ZDHHC1: variants seen among roughly 807,000 people sequenced by gnomAD.
The protein encoded by ZDHHC1 is zDHHC palmitoyltransferase 1, also known as palmitoyltransferase ZDHHC1.
Under a neutral mutation model 46.9 loss-of-function variants are expected in ZDHHC1, and 45 were observed. The observed-to-expected ratio is 0.96, with a 90% confidence interval of 0.76 to 1.23. The LOEUF (loss-of-function observed/expected upper bound fraction) is 1.23, where lower values mean the gene tolerates loss of function less well. Among genes scored for constraint, ZDHHC1 ranks in the 50% most tolerant of loss-of-function variants. The pLI, the probability that ZDHHC1 is intolerant of heterozygous loss-of-function variation, is 0.00. For missense variants in ZDHHC1, 649 were observed against 670.8 expected (o/e 0.97, Z 0.36); for synonymous variants, 291 against 286.0 (o/e 1.02, Z -0.18).
intron 3 of ZDHHC1, among the ~76,000 whole-genome samples, chr16:67,402,502 C>T (rs575019418): frequency 6.6e-6 from 1 of 152,284 alleles, no homozygotes; most frequent in South Asian, 2.1e-4. Context: ...ACTCTTCTCC[C>T]GCCTCACCCC....
At position 67,406,367 on chromosome 16, in the gene ZDHHC1, C is replaced by T. The variant is rs372055076; in HGVS notation, c.85G>A (p.Gly29Arg). 74 of 1,583,496 alleles carry T rather than the reference C, an allele frequency of 4.7e-5. No individual in the cohort carries two copies. The African/African-American group carries it at 8.5e-4, about 18-fold the overall frequency. ...TGGCCCTGCAGCTCAGGGGAGGGTC[C>T]GCTGGGCTGTGCCGGTGCCGTCCAC... ...SVWTAPAQPSGPSPELQGQRS... is the reference protein window; with the variant it reads ...SVWTAPAQPSRPSPELQGQRS... The change falls in exon 3 of 12, where the codon GGA becomes AGA. Residue 29 changes from glycine (G) to arginine (R), a missense_variant. Physicochemically the swap from Gly to Arg is moderately radical, Grantham distance 125 (BLOSUM62 -2). Coordinates refer to ENST00000565726, the MANE Select transcript of ZDHHC1 (RefSeq NM_001323627.2). The surrounding 1 kb of genome is among the most constrained non-coding windows in gnomAD (Gnocchi z 4.1).
At chr16:67,398,986 A>G in intron 5 of ZDHHC1, 42 bp from the exon 6 acceptor site, 2 of 1,599,880 alleles carry the variant, frequency 1.3e-6, no homozygotes, top group Admixed American at 1.7e-5. Flanking sequence ...CCGGAGCTCC[A>G]GCCTCAGAAG....
Position 67,398,724 on chromosome 16 carries a change from C to T in ZDHHC1, c.663G>A (p.Lys221=), listed in dbSNP as rs1390065675. The change falls in exon 7 of 12, where the codon AAG becomes AAA. Residue 221 remains lysine (K), a synonymous_variant. Transcript: ENST00000565726. ...ACACGAACCACACATCCGTGTGATT[C>T]TTCAGGACTGCAAGGCACAGGCAGT... ...LRTNRHFEVL[K]NHTDVWFVFL... 6.2e-7 allele frequency: 1 copy of T among 1,609,886 alleles called. No individual in the cohort carries two copies. The highest frequency in any genetic ancestry group is 1.3e-5 in the African/African-American group (1 of 75,040).
In ZDHHC1 at chr16:67,394,678, CG is replaced by C; in HGVS notation, c.1380del (p.Ala461ProfsTer4). 8.0e-7 allele frequency: 1 copy of C among 1,252,540 alleles called. No homozygotes were observed. The highest frequency in any genetic ancestry group is 1.0e-6 in the Non-Finnish European group (1 of 1,001,824). The allele number at this position is 1,252,540 out of a possible 1,614,324, so 77.6% of individuals were successfully genotyped here. On this transcript the variant is annotated frameshift_variant, in exon 12 of 12. Coordinates refer to ENST00000565726, the MANE Select transcript of ZDHHC1 (RefSeq NM_001323627.2). LOFTEE classifies it low-confidence loss of function (END_TRUNC). ...QPTLARQARA[P>X]AVFVSPSSGE... ...CCGCTGCTCGGGCTCACGAAAACGG[CG>C]GGCGCACGCGCCTGCCGCGCCAGCG...
At chr16:67,412,468 C>CTG (rs10654996) in intron 1 of ZDHHC1, among the ~76,000 whole-genome samples, 26,955 of 152,032 alleles carry the variant, frequency 0.18, 5,692 homozygotes, top group African/African-American at 0.51. Flanking sequence ...CAAAGAATTC[C>CTG]TGCCTAACAA....
chr16:67,400,767 ATCT>A (rs893006503), intron 4 of ZDHHC1, among the ~76,000 whole-genome samples, 187 bp downstream of exon 4: 3 of 152,098 alleles, frequency 2.0e-5, no homozygotes, highest in Non-Finnish European at 2.9e-5. Flanking sequence ...AATACTACTG[ATCT>A]TCTGTTTCCA....
At chr16:67,402,572 C>T (rs2040572124) in intron 3 of ZDHHC1, among the ~76,000 whole-genome samples, 1 of 152,050 alleles carries the variant, frequency 6.6e-6, no homozygotes, top group African/African-American at 2.4e-5. Context: ...TTGAGGGATA[C>T]GGCAGGGGCA....
intron 1 of ZDHHC1, among the ~76,000 whole-genome samples, chr16:67,410,635 A>G (rs2040734854): frequency 6.8e-6 from 1 of 147,060 alleles, no homozygotes; most frequent in Non-Finnish European, 1.5e-5. Flanking sequence ...AGGTTAGGCT[A>G]CCTTAATTAA....
At position 67,395,206 on chromosome 16, in the gene ZDHHC1, G is replaced by T; in HGVS notation, c.1085C>A (p.Pro362His). The T allele has an allele frequency of 1.2e-6, 2 of 1,611,604 alleles. No homozygotes were observed. Among genetic ancestry groups the T allele is most frequent in the Non-Finnish European group, 1.7e-6 (2 of 1,179,430 alleles). Residue 362 changes from proline (P) to histidine (H), a missense_variant, in exon 10 of 12, where the codon CCT becomes CAT. Physicochemically the swap from Pro to His is moderately conservative, Grantham distance 77. Coordinates refer to ENST00000565726, the MANE Select transcript of ZDHHC1 (RefSeq NM_001323627.2). ...TCCTACCTGGGGTCGGATCCGGGGAGGCAGGGCGAGAGTGTCTGGGGAAGA... is the reference window on the plus strand; with the variant it reads ...TCCTACCTGGGGTCGGATCCGGGGATGCAGGGCGAGAGTGTCTGGGGAAGA... ...PPSSPDTLALPPRIRPQKKRK... is the reference protein window; with the variant it reads ...PPSSPDTLALHPRIRPQKKRK...
intron 1 of ZDHHC1, among the ~76,000 whole-genome samples, chr16:67,409,371 A>ATAACCCCGATACTCCAAATCAGGC (rs2040714662): frequency 6.6e-6 from 1 of 152,006 alleles, no homozygotes; most frequent in East Asian, 1.9e-4. Context: ...CCAAATCAGG[A>ATAACCCCGATACTCCAAATCAGGC]TACCCCCGAT....
At position 67,394,530 on chromosome 16, in the gene ZDHHC1, A is replaced by T; in HGVS notation, c.*80T>A. The T allele has an allele frequency of 9.0e-7, 1 of 1,112,198 alleles. No individual in the cohort carries two copies. The highest frequency in any genetic ancestry group is 1.1e-6 in the Non-Finnish European group (1 of 910,328). 68.9% of individuals were successfully genotyped at this position (1,112,198 alleles called of 1,614,324 possible). A position where few individuals can be genotyped will look rare whatever the true frequency, so the allele number is the denominator to read the frequency against. ...CCGGCCGTAGGGGCCCCTAAAGTGCACTCGGTGCGGCAAGGATGGGGTGTT... is the reference window on the plus strand; with the variant it reads ...CCGGCCGTAGGGGCCCCTAAAGTGCTCTCGGTGCGGCAAGGATGGGGTGTT... On this transcript the variant is annotated 3_prime_UTR_variant, in exon 12 of 12. Transcript: ENST00000565726.
rs748666657 is a variant in ZDHHC1, at chr16:67,398,317, G to A, written c.822C>T (p.His274=). ...CGATGTACTCATAGGTGGTGAGCTTGTGCCACACTGGTGGGGGGAGGAGAG... is the reference window on the plus strand; with the variant it reads ...CGATGTACTCATAGGTGGTGAGCTTATGCCACACTGGTGGGGGGAGGAGAG... ...LLCFHIYLMW[H]KLTTYEYIVQ... Residue 274 remains histidine (H), a synonymous_variant, in exon 8 of 12, where the codon CAC becomes CAT. Transcript: ENST00000565726. 5 of 1,613,342 alleles carry A rather than the reference G, an allele frequency of 3.1e-6. No individual in the cohort carries two copies. Among genetic ancestry groups the A allele is most frequent in the Non-Finnish European group, 4.2e-6 (5 of 1,179,626 alleles).
chr16:67,403,642 C>T (rs2040595758), intron 3 of ZDHHC1, among the ~76,000 whole-genome samples: 1 of 151,864 alleles, frequency 6.6e-6, no homozygotes, highest in African/African-American at 2.4e-5. Flanking sequence ...CAGGGTCTCC[C>T]TCTGTTGCCC....
intron 3 of ZDHHC1, chr16:67,404,768 A>G: frequency 2.2e-6 from 1 of 454,748 alleles, no homozygotes; most frequent in East Asian, 7.0e-5. Flanking sequence ...TGAGGACCAA[A>G]TGAGATCATT....
chr16:67,394,804 G>GATTAAGT lies in ZDHHC1; in HGVS notation c.1254_1255insACTTAAT (p.His419ThrfsTer2). On this transcript the variant is annotated stop_gained and frameshift_variant, in exon 12 of 12. Coordinates refer to ENST00000565726, the MANE Select transcript of ZDHHC1 (RefSeq NM_001323627.2). LOFTEE classifies it low-confidence loss of function (END_TRUNC). ...TCCACGGACTCTGCCGACGCCGAGTGGTAGGCGCCGGCAGGGCCAGCGGCG... is the reference window on the plus strand; with the variant it reads ...TCCACGGACTCTGCCGACGCCGAGTGATTAAGTGTAGGCGCCGGCAGGGCCAGCGGCG... 1 of 1,532,058 alleles carries GATTAAGT rather than the reference G, an allele frequency of 6.5e-7. No individual in the cohort carries two copies. Among genetic ancestry groups the GATTAAGT allele is most frequent in the Non-Finnish European group, 8.7e-7 (1 of 1,143,632 alleles). The allele number at this position is 1,532,058 out of a possible 1,614,324, so 94.9% of individuals were successfully genotyped here.
intron 3 of ZDHHC1, among the ~76,000 whole-genome samples, chr16:67,402,509 C>T (rs554326993): frequency 5.8e-4 from 89 of 152,314 alleles, no homozygotes; most frequent in African/African-American, 2.1e-3. Flanking sequence ...TCCCGCCTCA[C>T]CCCCAGGGTC....
intron 1 of ZDHHC1, among the ~76,000 whole-genome samples, chr16:67,409,576 G>A (rs944603556): frequency 5.3e-5 from 8 of 152,204 alleles, no homozygotes; most frequent in South Asian, 2.1e-4. Flanking sequence ...AAATTCCTTC[G>A]GCCCAAAAGA....
chr16:67,396,480 A>G (rs1389223981), intron 8 of ZDHHC1, among the ~76,000 whole-genome samples: 1 of 152,120 alleles, frequency 6.6e-6, no homozygotes, highest in Non-Finnish European at 1.5e-5. Context: ...CAGAGAGGAC[A>G]CTGTAACAGC....
intron 8 of ZDHHC1, among the ~76,000 whole-genome samples, chr16:67,397,876 C>CA (rs1227111446): frequency 6.6e-6 from 1 of 152,196 alleles, no homozygotes; most frequent in Non-Finnish European, 1.5e-5. Context: ...GTGATGGCTC[C>CA]ATCCTGGCCA....
Sources: allele counts gnomAD v4.1 joint callset (sites outside exome capture counted in the v4.1 genomes callset), GRCh38; gene constraint gnomAD v4.1.1; non-coding constraint Gnocchi (gnomAD v3.1); transcripts MANE v1.5; gene names NCBI Gene and HGNC (gene_info 2026-07-23, HGNC 2026-07-21).